The following PDGFD variants were observed in gnomAD, a reference collection of about 807,000 sequenced individuals.
The protein encoded by PDGFD is platelet derived growth factor D, also known as platelet-derived growth factor D.
PDGFD carries 30 observed loss-of-function variants against 44.7 expected under a neutral mutation model. The ratio of observed to expected loss-of-function variants is 0.67; its 90% CI spans 0.50 to 0.91. PDGFD has a LOEUF of 0.91. PDGFD is among the 40% of genes least tolerant of loss of function. The pLI, the probability that PDGFD is intolerant of heterozygous loss-of-function variation, is 0.00. For synonymous variants in PDGFD, 173 were observed against 168.4 expected, an observed-to-expected ratio of 1.03 and a Z score of -0.21; for missense variants, 445 against 457.8, an observed-to-expected ratio of 0.97 and a Z score of 0.25.
chr11:104,068,003 G>T (rs1009314556), intron 1 of PDGFD, among the ~76,000 whole-genome samples: 1 of 152,124 alleles, frequency 6.6e-6, no homozygotes, highest in African/African-American at 2.4e-5. Context: ...AAGTGAAAAG[G>T]AATAGAGTGT....
chr11:104,017,636 G>T (rs1385579904), intron 1 of PDGFD, among the ~76,000 whole-genome samples: 1 of 152,188 alleles, frequency 6.6e-6, no homozygotes, highest in Non-Finnish European at 1.5e-5. Context: ...TAACAGAGAT[G>T]TAGGAGTCTT....
At chr11:104,025,608 T>TC (rs1860030466) in intron 1 of PDGFD, among the ~76,000 whole-genome samples, 1 of 152,074 alleles carries the variant, frequency 6.6e-6, no homozygotes, top group Non-Finnish European at 1.5e-5. Flanking sequence ...CCCCAGAGTT[T>TC]CCCCTAGGGG....
chr11:103,969,567 T>C (rs1859073728), intron 3 of PDGFD, among the ~76,000 whole-genome samples: 1 of 151,278 alleles, frequency 6.6e-6, no homozygotes, highest in South Asian at 2.1e-4. Flanking sequence ...GCAACTTATT[T>C]ATTTTAGGGC....
At chr11:104,142,243 T>C (rs1437454398) in intron 1 of PDGFD, among the ~76,000 whole-genome samples, 1 of 152,182 alleles carries the variant, frequency 6.6e-6, no homozygotes, top group Non-Finnish European at 1.5e-5. Flanking sequence ...CATGTGTGAA[T>C]ATATGCTATA....
intron 6 of PDGFD, among the ~76,000 whole-genome samples, chr11:103,926,520 A>G (rs1858317810): frequency 6.6e-6 from 1 of 152,224 alleles, no homozygotes; most frequent in Non-Finnish European, 1.5e-5. Context: ...ATTAAATGAT[A>G]TAATTGAATT....
rs373944945 is a variant in PDGFD, at chr11:104,111,262, CTTTTTT to C, written c.124+52536_124+52541del. Reference sequence around the variant, plus strand: ...ATGATCTGTGTATTAATTATTAATTCTTTTTTTTTTTTTTTTTTTTAGATTTCACTC... The same window carrying C: ...ATGATCTGTGTATTAATTATTAATTCTTTTTTTTTTTTTTAGATTTCACTC... On this transcript the variant is annotated intron_variant, in intron 1 of 6. Transcript: ENST00000393158. Among the ~76,000 whole-genome samples, 19 of 119,628 alleles carry C rather than the reference CTTTTTT, an allele frequency of 1.6e-4. 1 individual carries two copies. The highest frequency in any genetic ancestry group is 5.8e-4 in the African/African-American group (19 of 32,574). The allele number at this position is 119,628 out of a possible 152,430, so 78.5% of individuals were successfully genotyped here.
chr11:104,155,270 T>A (rs1862291564), intron 1 of PDGFD, among the ~76,000 whole-genome samples: 1 of 152,204 alleles, frequency 6.6e-6, no homozygotes, highest in Admixed American at 6.5e-5. Flanking sequence ...AGACATATAA[T>A]CTGAACTTTC....
intron 1 of PDGFD, among the ~76,000 whole-genome samples, chr11:104,005,351 A>T (rs977953197): frequency 1.3e-5 from 2 of 152,200 alleles, no homozygotes; most frequent in Non-Finnish European, 2.9e-5. Context: ...CTTAGTCTGA[A>T]ATCTGCTTGA....
Position 104,151,678 on chromosome 11 carries a change from C to T in PDGFD, c.124+12126G>A, listed in dbSNP as rs141196834. 2.7e-3 allele frequency among the ~76,000 whole-genome samples: 416 copies of T among 152,180 alleles called. 7 individuals carry two copies. Among genetic ancestry groups the T allele is most frequent in the Admixed American group, 0.022 (337 of 15,266 alleles). On this transcript the variant is annotated intron_variant, in intron 1 of 6. Coordinates refer to ENST00000393158, the MANE Select transcript of PDGFD (RefSeq NM_025208.5). ...AAATTTGCTTTTATGTTCAGAAATA[C>T]GTATCCTAAAATTCGAACACACAAA...
chr11:104,062,933 C>T (rs1048729798), intron 1 of PDGFD, among the ~76,000 whole-genome samples: 1 of 152,082 alleles, frequency 6.6e-6, no homozygotes, highest in African/African-American at 2.4e-5. Context: ...CGTTGTGAAC[C>T]TCTATCTTCT....
intron 3 of PDGFD, among the ~76,000 whole-genome samples, chr11:103,978,940 C>A (rs528379133): frequency 1.3e-3 from 202 of 152,068 alleles, no homozygotes; most frequent in Non-Finnish European, 2.3e-3. Flanking sequence ...CTGCTTCATA[C>A]ATTAAGGATT....
chr11:104,068,841 T>C (rs1303980586), intron 1 of PDGFD, among the ~76,000 whole-genome samples: 2 of 152,192 alleles, frequency 1.3e-5, no homozygotes, highest in African/African-American at 2.4e-5. Flanking sequence ...TGTGTGTGTG[T>C]CTGCGTGTGT....
At chr11:104,125,371 T>C (rs1361237640) in intron 1 of PDGFD, among the ~76,000 whole-genome samples, 3 of 152,098 alleles carry the variant, frequency 2.0e-5, no homozygotes, top group Admixed American at 2.0e-4. Context: ...AAACAATACA[T>C]ATAAAGGGCT....
At chr11:103,985,973 T>C (rs565547387) in intron 3 of PDGFD, among the ~76,000 whole-genome samples, 3 of 152,174 alleles carry the variant, frequency 2.0e-5, no homozygotes, top group Non-Finnish European at 4.4e-5. Context: ...GGTGGCTCCA[T>C]GACTTTTCAA....
chr11:103,926,340 A>G (rs182254926), intron 6 of PDGFD, among the ~76,000 whole-genome samples: 270 of 152,266 alleles, frequency 1.8e-3, no homozygotes, highest in South Asian at 5.4e-3. Context: ...TGTTCCTCCT[A>G]TATTCTTTTA....
intron 1 of PDGFD, among the ~76,000 whole-genome samples, chr11:104,005,832 T>C (rs763796426): frequency 2.0e-5 from 3 of 152,238 alleles, no homozygotes; most frequent in African/African-American, 4.8e-5. Flanking sequence ...TACTAGCTGT[T>C]AAACTACAAA....
chr11:103,975,934 C>T (rs942894594), intron 3 of PDGFD, among the ~76,000 whole-genome samples: 2 of 152,108 alleles, frequency 1.3e-5, no homozygotes, highest in Non-Finnish European at 2.9e-5. Flanking sequence ...AGCATGATGC[C>T]TCCAGCTTTG....
intron 5 of PDGFD, among the ~76,000 whole-genome samples, chr11:103,933,293 T>C (rs904794766): frequency 1.3e-5 from 2 of 152,210 alleles, no homozygotes; most frequent in Non-Finnish European, 2.9e-5. Context: ...GGAGTCTTCA[T>C]CCTTATGAAT....
At chr11:104,091,859 T>C (rs1045283931) in intron 1 of PDGFD, among the ~76,000 whole-genome samples, 1 of 152,168 alleles carries the variant, frequency 6.6e-6, no homozygotes, top group African/African-American at 2.4e-5. Flanking sequence ...GAGTAAGCTG[T>C]CAGAAATAAC....
Sources: allele counts gnomAD v4.1 joint callset (sites outside exome capture counted in the v4.1 genomes callset), GRCh38; gene constraint gnomAD v4.1.1; transcripts MANE v1.5; gene names NCBI Gene and HGNC (gene_info 2026-07-23, HGNC 2026-07-21).